The following NCKAP5 variants were observed in gnomAD, a reference collection of about 807,000 sequenced individuals.
NCKAP5 encodes the protein nck-associated protein 5.
In NCKAP5, 92 loss-of-function variants were observed where a neutral mutation model predicts 167.0. The ratio of observed to expected loss-of-function variants is 0.55; its 90% CI spans 0.47 to 0.66. The LOEUF (loss-of-function observed/expected upper bound fraction) is 0.66, where lower values mean the gene tolerates loss of function less well. Among genes scored for constraint, NCKAP5 ranks in the 30% least tolerant of loss-of-function variants. NCKAP5 has a pLI of 0.00. For synonymous variants in NCKAP5, 891 were observed against 877.4 expected, an observed-to-expected ratio of 1.02 and a Z score of -0.27; for missense variants, 2,378 against 2,315.0, an observed-to-expected ratio of 1.03 and a Z score of -0.56.
At chr2:132,842,316 T>C (rs554118913) in intron 11 of NCKAP5, among the ~76,000 whole-genome samples, 1 of 152,262 alleles carries the variant, frequency 6.6e-6, no homozygotes, top group Non-Finnish European at 1.5e-5. Context: ...CTCTCTTTTA[T>C]TAGTCAAATG....
At chr2:133,178,254 T>C (rs1300429410) in intron 5 of NCKAP5, among the ~76,000 whole-genome samples, 1 of 152,000 alleles carries the variant, frequency 6.6e-6, no homozygotes, top group Non-Finnish European at 1.5e-5. Flanking sequence ...ATCCCAGCAC[T>C]TTGGGAGGCC....
intron 8 of NCKAP5, among the ~76,000 whole-genome samples, chr2:132,890,236 A>G (rs1022010787): frequency 1.3e-5 from 2 of 152,218 alleles, no homozygotes; most frequent in Non-Finnish European, 2.9e-5. Context: ...GTGCTGCTTT[A>G]TGATGGCCAG....
At chr2:133,229,331 TTG>T in intron 4 of NCKAP5, among the ~76,000 whole-genome samples, 1 of 152,188 alleles carries the variant, frequency 6.6e-6, no homozygotes, top group African/African-American at 2.4e-5. Flanking sequence ...AGGGCATTTC[TTG>T]TATCTTAACA....
chr2:133,538,897 G>GT (rs144698429), intron 2 of NCKAP5, among the ~76,000 whole-genome samples: 9,804 of 122,930 alleles, frequency 0.08, 600 homozygotes, highest in East Asian at 0.33. Flanking sequence ...GATGTACCTA[G>GT]TTTTTTTTTG....
chr2:133,053,546 C>G (rs77552117), intron 6 of NCKAP5, among the ~76,000 whole-genome samples: 3 of 152,132 alleles, frequency 2.0e-5, no homozygotes, highest in Non-Finnish European at 2.9e-5. Context: ...CTTTGTAAAG[C>G]GACCTTCAAA....
At chr2:133,622,084 T>G in the NCKAP5 span, among the ~76,000 whole-genome samples, 2 of 152,040 alleles carry the variant, frequency 1.3e-5, no homozygotes, top group Non-Finnish European at 2.9e-5. Context: ...AAATGCAGCA[T>G]CCCTTTATGA....
intron 2 of NCKAP5, among the ~76,000 whole-genome samples, chr2:133,538,975 C>T (rs1363402549): frequency 8.3e-6 from 1 of 119,814 alleles, no homozygotes; most frequent in Non-Finnish European, 1.6e-5. Flanking sequence ...GAGTCTCACT[C>T]TGTCGCCCAG....
chr2:133,040,954 C>T (rs2079200343), intron 6 of NCKAP5, among the ~76,000 whole-genome samples: 1 of 152,136 alleles, frequency 6.6e-6, no homozygotes, highest in African/African-American at 2.4e-5. Flanking sequence ...TGGATAATTT[C>T]TGGGCTGTTC....
At chr2:133,329,407 G>A (rs1682679241) in intron 3 of NCKAP5, among the ~76,000 whole-genome samples, 1 of 152,086 alleles carries the variant, frequency 6.6e-6, no homozygotes, top group Non-Finnish European at 1.5e-5. Flanking sequence ...AAAAAGAGAT[G>A]ATATAGAGAT....
At chr2:133,205,382 T>C (rs974307578) in intron 5 of NCKAP5, among the ~76,000 whole-genome samples, 20 of 152,132 alleles carry the variant, frequency 1.3e-4, no homozygotes, top group Admixed American at 1.3e-4. Flanking sequence ...CCTTTTAAAA[T>C]TGTCCATTTT....
intron 4 of NCKAP5, among the ~76,000 whole-genome samples, chr2:133,277,539 T>C (rs1574580010): frequency 6.6e-6 from 1 of 152,158 alleles, no homozygotes; most frequent in African/African-American, 2.4e-5. Context: ...ACATTGGCTG[T>C]TCTATAACAG....
At chr2:133,091,488 G>C (rs1365696557) in intron 6 of NCKAP5, among the ~76,000 whole-genome samples, 1 of 152,006 alleles carries the variant, frequency 6.6e-6, no homozygotes, top group African/African-American at 2.4e-5. Flanking sequence ...AGGGCCCTGG[G>C]TATATTTCCT....
intron 6 of NCKAP5, among the ~76,000 whole-genome samples, chr2:133,100,734 G>C (rs1450712757): frequency 3.3e-5 from 5 of 151,862 alleles, no homozygotes; most frequent in Non-Finnish European, 7.4e-5. Context: ...CATTTAAGCA[G>C]TTTAAATGCA....
the NCKAP5 span, among the ~76,000 whole-genome samples, chr2:133,619,211 C>T: frequency 7.0e-6 from 1 of 143,774 alleles, no homozygotes; most frequent in Admixed American, 7.0e-5. Context: ...TGCTAGATGA[C>T]GAGTTAGTGG....
intron 4 of NCKAP5, among the ~76,000 whole-genome samples, chr2:133,244,618 TA>T (rs943539797): frequency 6.6e-6 from 1 of 151,840 alleles, no homozygotes; most frequent in Non-Finnish European, 1.5e-5. Context: ...AATATATATT[TA>T]AAAAAACAGG....
the NCKAP5 span, among the ~76,000 whole-genome samples, chr2:133,631,217 A>G: frequency 1.3e-5 from 2 of 152,250 alleles, no homozygotes; most frequent in African/African-American, 4.8e-5. Flanking sequence ...TATATCACAA[A>G]TGGAGATTGA....
chr2:132,980,443 G>A (rs532099489), intron 7 of NCKAP5, among the ~76,000 whole-genome samples: 30 of 152,134 alleles, frequency 2.0e-4, no homozygotes, highest in African/African-American at 5.5e-4. Flanking sequence ...TTAACTCTCC[G>A]GATGATTCCA....
At chr2:133,279,189 C>A (rs369615322) in intron 4 of NCKAP5, among the ~76,000 whole-genome samples, 58 of 152,306 alleles carry the variant, frequency 3.8e-4, no homozygotes, top group African/African-American at 1.3e-3. Flanking sequence ...TCCAATAATA[C>A]AAAAGTGCAT....
chr2:133,160,466 T>C (rs910521692), intron 5 of NCKAP5, among the ~76,000 whole-genome samples: 20 of 150,012 alleles, frequency 1.3e-4, no homozygotes, highest in African/African-American at 4.9e-4. Context: ...CAGCGTTTAT[T>C]TGATCAAAGA....
Sources: allele counts gnomAD v4.1 joint callset (sites outside exome capture counted in the v4.1 genomes callset), GRCh38; gene constraint gnomAD v4.1.1; transcripts MANE v1.5; gene names NCBI Gene and HGNC (gene_info 2026-07-23, HGNC 2026-07-21).